Variants in POU2F2 observed in about 807,000 individuals in gnomAD.
POU2F2 encodes the protein POU domain, class 2, transcription factor 2.
A neutral mutation model predicts 63.5 loss-of-function variants in POU2F2; 14 were observed. That is an observed-to-expected ratio of 0.22 (90% CI 0.15 to 0.34). POU2F2 has a LOEUF of 0.34. POU2F2 is among the 10% of genes least tolerant of loss of function. The pLI is 1.00. For synonymous variants in POU2F2, 306 were observed against 348.6 expected, an observed-to-expected ratio of 0.88 and a Z score of 1.36; for missense variants, 607 against 815.2, an observed-to-expected ratio of 0.74 and a Z score of 3.11.
At chr19:42,123,439 T>C (rs571127098) in intron 1 of POU2F2, among the ~76,000 whole-genome samples, 89 of 152,282 alleles carry the variant, frequency 5.8e-4, no homozygotes, top group Admixed American at 1.2e-3. Context: ...AGCGCTCTGA[T>C]ACTTTTCACA....
In POU2F2 at chr19:42,162,703, G is replaced by C. The variant is rs1003245373; in HGVS notation, c.-69-2311C>G. On this transcript the variant is annotated intron_variant, in intron 1 of 6. Transcript: ENST00000524801. This position sits in a 1 kb window ranked among gnomAD's most constrained non-coding sequence, Gnocchi z 4.1. Reference sequence around the variant, plus strand: ...CAGTTTGCCATGTACATGGCAGACTGTGAGCTCCTTGAGGGCAAGGCAGGG... The same window carrying C: ...CAGTTTGCCATGTACATGGCAGACTCTGAGCTCCTTGAGGGCAAGGCAGGG... 6.6e-6 allele frequency among the ~76,000 whole-genome samples: 1 copy of C among 152,148 alleles called. No individual in the cohort carries two copies. Among genetic ancestry groups the C allele is most frequent in the Non-Finnish European group, 1.5e-5 (1 of 68,008 alleles).
chr19:42,136,534 A>C (rs916137288), upstream of POU2F2: 9 of 152,228 alleles, frequency 5.9e-5, no homozygotes, highest in Admixed American at 5.9e-4. Flanking sequence ...TCCTCATGAC[A>C]GTCTGAGGAG....
At chr19:42,172,722 G>A (rs758396480) in intron 1 of POU2F2, among the ~76,000 whole-genome samples, 1 of 152,320 alleles carries the variant, frequency 6.6e-6, no homozygotes, top group Middle Eastern at 3.4e-3. Context: ...GCTCAACCAT[G>A]CTCATTTGCT....
rs1232274844 is a variant in POU2F2 at position 42,090,415 on chromosome 19, A to C, written c.*842T>G. The C allele has an allele frequency of 6.6e-6, 1 of 152,492 alleles. No individual in the cohort carries two copies. Among genetic ancestry groups the C allele is most frequent in the Non-Finnish European group, 1.5e-5 (1 of 68,054 alleles). 9.4% of individuals were successfully genotyped at this position (152,492 alleles called of 1,614,324 possible). A position where few individuals can be genotyped will look rare whatever the true frequency, so the allele number is the denominator to read the frequency against. On this transcript the variant is annotated 3_prime_UTR_variant, in exon 15 of 15. Transcript: ENST00000692977. This position sits in a 1 kb window ranked among gnomAD's most constrained non-coding sequence, Gnocchi z 4.4. ...GGCCTAGCCCACCCTTCAAAGGGGA[A>C]AAGAGGGAGGAACAGGGGATGAAAA...
intron 2 of POU2F2, among the ~76,000 whole-genome samples, chr19:42,142,448 C>G (rs943348126): frequency 2.0e-4 from 30 of 152,264 alleles, no homozygotes; most frequent in Admixed American, 1.8e-3. Context: ...CCTGGGCCTC[C>G]CAAAGTGCTG....
rs554972410 is a variant in POU2F2 at position 42,154,846 on chromosome 19, G to A, written c.-9+5486C>T. ...TCAAGCCTTTTTCCACGTTCCTCTG[G>A]GCCCCTGTGAGCCACGGTGGGGAGG... is the stretch of plus-strand genomic sequence containing the variant. On this transcript the variant is annotated intron_variant, in intron 2 of 6. Transcript: ENST00000524801. 5.3e-5 allele frequency among the ~76,000 whole-genome samples: 8 copies of A among 152,194 alleles called. No individual in the cohort carries two copies. The South Asian group carries it at 1.7e-3, about 32-fold the overall frequency.
chr19:42,105,999 T>C (rs551534498), intron 5 of POU2F2, among the ~76,000 whole-genome samples: 161 of 132,320 alleles, frequency 1.2e-3, no homozygotes, highest in Middle Eastern at 7.4e-3. Flanking sequence ...GATCTTTCTT[T>C]TTTCTTTCTT....
At chr19:42,097,705 A>G (rs1215467959) in intron 7 of POU2F2, among the ~76,000 whole-genome samples, 2 of 152,104 alleles carry the variant, frequency 1.3e-5, no homozygotes, top group Admixed American at 1.3e-4. Context: ...GCAACTCAGG[A>G]GGGCTGGGGA....
intron 5 of POU2F2, among the ~76,000 whole-genome samples, chr19:42,115,191 T>G (rs965890158): frequency 1.3e-5 from 2 of 151,534 alleles, no homozygotes; most frequent in Non-Finnish European, 2.9e-5. Context: ...CACGGAGCCA[T>G]GCGCCCAGTT....
At chr19:42,158,336 A>T (rs2034494480) in intron 2 of POU2F2, among the ~76,000 whole-genome samples, 1 of 152,364 alleles carries the variant, frequency 6.6e-6, no homozygotes, top group South Asian at 2.1e-4. Context: ...TCCGAAATCA[A>T]ATTCACTCCC....
chr19:42,127,931 C>T (rs2033354100), intron 1 of POU2F2, among the ~76,000 whole-genome samples: 1 of 152,058 alleles, frequency 6.6e-6, no homozygotes, highest in Non-Finnish European at 1.5e-5. Context: ...CTCCCTCCCC[C>T]AGGCCTTTGC....
At chr19:42,188,953 G>GGAAGGAAGGAAGTT (rs2035047369) in intron 1 of POU2F2, among the ~76,000 whole-genome samples, 1 of 40,914 alleles carries the variant, frequency 2.4e-5, no homozygotes, top group Non-Finnish European at 8.0e-5. Context: ...GGAAGGAAGG[G>GGAAGGAAGGAAGTT]AGTTTTGGGT....
Position 42,117,493 on chromosome 19 carries a change from A to G in POU2F2, c.187-61T>C. The G allele has an allele frequency of 1.4e-6, 1 of 726,692 alleles. No individual in the cohort carries two copies. The highest frequency in any genetic ancestry group is 2.6e-5 in the Admixed American group (1 of 39,096). 45.0% of individuals were successfully genotyped at this position (726,692 alleles called of 1,614,324 possible). On this transcript the variant is annotated intron_variant, in intron 4 of 14. Transcript: ENST00000692977. This position sits in a 1 kb window ranked among gnomAD's most constrained non-coding sequence, Gnocchi z 4.4. ...GCAATCAGGCTGGCACAGGAGGAGCAGACTGGGGTGTGGACATGAGGGTGC... is the reference window on the plus strand; with the variant it reads ...GCAATCAGGCTGGCACAGGAGGAGCGGACTGGGGTGTGGACATGAGGGTGC...
intron 2 of POU2F2, among the ~76,000 whole-genome samples, chr19:42,151,624 G>T (rs1484315247): frequency 3.0e-4 from 46 of 152,204 alleles, no homozygotes; most frequent in Admixed American, 3.0e-3. Context: ...ATGGGGGTGG[G>T]GGGAAACTGA....
At chr19:42,104,173 A>G (rs2077249652) in intron 5 of POU2F2, among the ~76,000 whole-genome samples, 1 of 152,178 alleles carries the variant, frequency 6.6e-6, no homozygotes, top group Admixed American at 6.5e-5. Flanking sequence ...GCACTGAGAT[A>G]TCATTTTTAC....
chr19:42,181,239 C>T (rs989279822), intron 1 of POU2F2, among the ~76,000 whole-genome samples: 1 of 152,264 alleles, frequency 6.6e-6, no homozygotes, highest in African/African-American at 2.4e-5. Context: ...CATGTATACA[C>T]ACCAGGCACA....
At chr19:42,139,680 T>C (rs1262137046) in intron 2 of POU2F2, among the ~76,000 whole-genome samples, 1 of 152,078 alleles carries the variant, frequency 6.6e-6, no homozygotes, top group Non-Finnish European at 1.5e-5. Context: ...CCTCAAGTGA[T>C]CCACCCACCT....
In POU2F2 at chr19:42,101,804, C is replaced by T. The variant is rs1398091583; in HGVS notation, c.370-1983G>A. 4.6e-5 allele frequency among the ~76,000 whole-genome samples: 7 copies of T among 152,030 alleles called. No homozygotes were observed. The South Asian group carries it at 8.3e-4, about 18-fold the overall frequency. ...CAGCCTGGCCAACATAGTGGAACCC[C>T]GTCTCTACTAAAAACACAAAAAATT... is the stretch of plus-strand genomic sequence containing the variant. On this transcript the variant is annotated intron_variant, in intron 5 of 14. Transcript: ENST00000692977.
chr19:42,188,163 G>A (rs1007977571), intron 1 of POU2F2, among the ~76,000 whole-genome samples: 2 of 151,896 alleles, frequency 1.3e-5, no homozygotes, highest in African/African-American at 2.4e-5. Context: ...TCAGGAGTTC[G>A]AGACCAGCCT....
Sources: allele counts gnomAD v4.1 joint callset (sites outside exome capture counted in the v4.1 genomes callset), GRCh38; gene constraint gnomAD v4.1.1; non-coding constraint Gnocchi (gnomAD v3.1); transcripts MANE v1.5; gene names NCBI Gene and HGNC (gene_info 2026-07-23, HGNC 2026-07-21).